CDC27: variants seen among roughly 807,000 people sequenced by gnomAD.
CDC27 encodes cell division cycle 27.
CDC27 carries 27 observed loss-of-function variants against 109.7 expected under a neutral mutation model. The ratio of observed to expected loss-of-function variants is 0.25; its 90% confidence interval spans 0.18 to 0.34. The LOEUF (loss-of-function observed/expected upper bound fraction) is 0.34. CDC27 is among the 10% of genes least tolerant of loss of function. CDC27 has a pLI of 1.00. For synonymous variants in CDC27, 266 were observed against 333.9 expected (o/e 0.80, Z 2.22); for missense variants, 579 against 960.2 (o/e 0.60, Z 5.25).
At chr17:47,141,266 G>A (rs529643557) in intron 12 of CDC27, among the ~76,000 whole-genome samples, 33 of 152,104 alleles carry the variant, frequency 2.2e-4, no homozygotes, top group Non-Finnish European at 3.5e-4. Context: ...TTAAGTTGGG[G>A]GTGGAGAAAA....
chr17:47,119,547 T>C lies in CDC27; in HGVS notation c.*1388A>G, dbSNP rs1200574365. The C allele has an allele frequency of 6.6e-6, 1 of 152,176 alleles. No individual in the cohort carries two copies. Among genetic ancestry groups the C allele is most frequent in the Non-Finnish European group, 1.5e-5 (1 of 68,030 alleles). 9.4% of individuals were successfully genotyped at this position (152,176 alleles called of 1,614,324 possible). A position where few individuals can be genotyped will look rare whatever the true frequency, so the allele number is the denominator to read the frequency against. ...TAGGCCTGTCATTCATAAGAAACTA[T>C]AATTTGTTATATTCTGACACTGGCA... On this transcript the variant is annotated 3_prime_UTR_variant, in exon 19 of 19. Transcript: ENST00000066544.
rs1311517565 is a variant in CDC27, at chr17:47,143,906, T to C, written c.1147A>G (p.Thr383Ala). The C allele has an allele frequency of 1.3e-5, 19 of 1,481,648 alleles. No individual in the cohort carries two copies. The highest frequency in any genetic ancestry group is 1.5e-5 in the Non-Finnish European group (17 of 1,107,508). The allele number at this position is 1,481,648 out of a possible 1,614,324, so 91.8% of individuals were successfully genotyped here. ...ALPRRSSRLF[T>A]SDSSTTKENS... ...ACCTTGGTTGTGGAGCTGTCACTAG[T>C]AAAGAGTCGTGAACTTCTTCGAGGC... Residue 383 changes from threonine (T) to alanine (A), a missense_variant, in exon 10 of 19, where the codon ACT becomes GCT. By Grantham distance (58) the Thr-to-Ala change is moderately conservative. This residue lies in a region of CDC27 where 51 missense variants were observed against 43.8 expected (regional missense o/e 1.16). Transcript: ENST00000066544.
At chr17:47,160,025 T>A (rs1343834019) in intron 4 of CDC27, 1 of 230,232 alleles carries the variant, frequency 4.3e-6, no homozygotes, top group Non-Finnish European at 8.5e-6. Context: ...TCAAACAAAC[T>A]AGAGGTGGTA....
chr17:47,130,823 G>A (rs2062304351), intron 15 of CDC27, among the ~76,000 whole-genome samples: 1 of 150,984 alleles, frequency 6.6e-6, no homozygotes, highest in Non-Finnish European at 1.5e-5. Flanking sequence ...GTTGTGGTAA[G>A]CTGAGATTGT....
At chr17:47,137,488 CA>C in intron 13 of CDC27, 128 bp from the exon 14 acceptor site, 1 of 511,888 alleles carries the variant, frequency 2.0e-6, no homozygotes, top group East Asian at 3.2e-5. Context: ...AGTAGATACT[CA>C]ATTCTAATTA....
intron 16 of CDC27, 105 bp downstream of exon 16, chr17:47,129,288 G>A (rs939526154): frequency 6.9e-5 from 61 of 883,090 alleles, no homozygotes; most frequent in Non-Finnish European, 9.7e-5. Flanking sequence ...TTGGAAAAAT[G>A]TCTCAGATCA....
rs370562787 is a variant in CDC27, at chr17:47,119,666, T to C, written c.*1269A>G. ...ATTTAAGACTGTTTAAATCTGTTAC[T>C]GTGGAATTCCAATAATTATCATTTT... On this transcript the variant is annotated 3_prime_UTR_variant, in exon 19 of 19. Coordinates refer to ENST00000066544, the MANE Select transcript of CDC27 (RefSeq NM_001256.6). 3.3e-5 allele frequency: 5 copies of C among 152,342 alleles called. No homozygotes were observed. Among genetic ancestry groups the C allele is most frequent in the African/African-American group, 9.6e-5 (4 of 41,586 alleles). The allele number at this position is 152,342 out of a possible 1,614,324, so 9.4% of individuals were successfully genotyped here. A position where few individuals can be genotyped will look rare whatever the true frequency, so the allele number is the denominator to read the frequency against.
At position 47,138,882 on chromosome 17, in the gene CDC27, T is replaced by C. The variant is rs199927167; in HGVS notation, c.1561A>G (p.Ile521Val). The change falls in exon 13 of 19, where the codon ATA (isoleucine) becomes GTA (valine). Residue 521 changes from isoleucine (I) to valine (V), a missense_variant. Ile to Val is a conservative substitution (Grantham distance 29). This residue lies in a region of CDC27 where 227 missense variants were observed against 363.6 expected (regional missense o/e 0.62). Transcript: ENST00000066544. ...ELSEYMQAER[I>V]FSEVRRIENY... Reference sequence around the variant, plus strand: ...TCAATCCTTCTAACCTCTGAGAATATTCTTTCAGCCTGAAATAAAAAAAAC... The same window carrying C: ...TCAATCCTTCTAACCTCTGAGAATACTCTTTCAGCCTGAAATAAAAAAAAC... The C allele has an allele frequency of 6.4e-7, 1 of 1,570,042 alleles. No individual in the cohort carries two copies. Among genetic ancestry groups the C allele is most frequent in the Non-Finnish European group, 8.6e-7 (1 of 1,160,720 alleles).
chr17:47,162,822 C>T (rs1316137526), intron 4 of CDC27, among the ~76,000 whole-genome samples: 2 of 152,046 alleles, frequency 1.3e-5, no homozygotes, highest in Non-Finnish European at 2.9e-5. Context: ...ATGAATAGAC[C>T]ACAAAACAGA....
Position 47,133,385 on chromosome 17 carries a change from G to C in CDC27, c.1914-1011C>G, listed in dbSNP as rs1212781882. Among the ~76,000 whole-genome samples, 5 of 147,842 alleles carry C rather than the reference G, an allele frequency of 3.4e-5. No homozygotes were observed. In the South Asian group the frequency reaches 1.1e-3, roughly 32 times the overall value. On this transcript the variant is annotated intron_variant, in intron 14 of 18. Coordinates refer to ENST00000066544, the MANE Select transcript of CDC27 (RefSeq NM_001256.6). Reference sequence around the variant, plus strand: ...ACTCCTGACCTCAGGTGATCCGCCCGCCTTGGCCTCCCAAAGTGCTGGGAC... The same window carrying C: ...ACTCCTGACCTCAGGTGATCCGCCCCCCTTGGCCTCCCAAAGTGCTGGGAC...
rs199808134 is a variant in CDC27, at chr17:47,132,320, C to A, written c.1968G>T (p.Met656Ile). 17 of 1,607,068 alleles carry A rather than the reference C, an allele frequency of 1.1e-5. No homozygotes were observed. The East Asian group carries it at 3.8e-4, about 36-fold the overall frequency. The change falls in exon 15 of 19, where the codon ATG (methionine) becomes ATT (isoleucine). Residue 656 changes from methionine (M) to isoleucine (I), a missense_variant. By Grantham distance (10) the Met-to-Ile change is conservative (BLOSUM62 1). Around this residue, in one of 9 missense-constraint regions of CDC27, gnomAD observed 227 missense variants for 363.6 expected, o/e 0.62. Coordinates refer to ENST00000066544, the MANE Select transcript of CDC27 (RefSeq NM_001256.6). ...YKQEKFSLAEMHFQKALDINP... is the reference protein window; with the variant it reads ...YKQEKFSLAEIHFQKALDINP... ...TGATATCAAGCGCTTTTTGGAAATG[C>A]ATTTCTGCAAGGCTGAATTTTTCTT...
In CDC27 at chr17:47,120,972, T is replaced by C. The variant is rs777995806; in HGVS notation, c.2438A>G (p.Asp813Gly). 1 of 1,613,406 alleles carries C rather than the reference T, an allele frequency of 6.2e-7. No individual in the cohort carries two copies. The highest frequency in any genetic ancestry group is 8.5e-7 in the Non-Finnish European group (1 of 1,179,622). The change falls in exon 19 of 19, where the codon GAC becomes GGC. Residue 813 changes from aspartate to glycine, a missense_variant. Around this residue, in one of 9 missense-constraint regions of CDC27, gnomAD observed 227 missense variants for 363.6 expected, o/e 0.62. Transcript: ENST00000066544. The part of the protein sequence containing the change: ...SQESSMTDAD[D>G]TQLHAAESDE... ...ACTTTCAGCTGCATGAAGTTGTGTG[T>C]CATCCGCATCTGTCATGCTGCTCTC...
At chr17:47,184,035 C>T (rs975932914) in intron 1 of CDC27, among the ~76,000 whole-genome samples, 5 of 152,072 alleles carry the variant, frequency 3.3e-5, no homozygotes, top group Non-Finnish European at 7.4e-5. Context: ...TCCTAAGAAC[C>T]TACATGTTTA....
At chr17:47,137,890 A>G (rs1278342162) in intron 13 of CDC27, among the ~76,000 whole-genome samples, 2 of 150,998 alleles carry the variant, frequency 1.3e-5, no homozygotes, top group East Asian at 3.9e-4. Flanking sequence ...AACCTCCGCC[A>G]CCTAGGCTCA....
chr17:47,123,393 T>C (rs1373841106), intron 17 of CDC27, among the ~76,000 whole-genome samples: 1 of 141,216 alleles, frequency 7.1e-6, no homozygotes, highest in Non-Finnish European at 1.5e-5. Flanking sequence ...TCTTCTACTT[T>C]TTTTTCTACT....
At chr17:47,142,465 T>G in intron 10 of CDC27, 29 bp from the exon 11 acceptor site, 1 of 901,544 alleles carries the variant, frequency 1.1e-6, no homozygotes, top group Non-Finnish European at 1.7e-6. Flanking sequence ...TTCACACCTG[T>G]TATACTCATG....
rs144338717 is a variant in CDC27, at chr17:47,155,770, G to A, written c.843-984C>T. ...GTTCCAGATCAGCTTGGGCAACACA[G>A]CAAGACCCCATCTCTACAAAAACAC... On this transcript the variant is annotated intron_variant, in intron 7 of 18. Transcript: ENST00000066544. 1.8e-4 allele frequency among the ~76,000 whole-genome samples: 28 copies of A among 152,196 alleles called. No individual in the cohort carries two copies. The East Asian group carries it at 4.4e-3, about 24-fold the overall frequency.
intron 4 of CDC27, among the ~76,000 whole-genome samples, chr17:47,158,620 AT>A (rs376030802): frequency 0.013 from 1,824 of 140,714 alleles, 16 homozygotes; most frequent in Middle Eastern, 0.022. Context: ...ATTATTCTTA[AT>A]TTTTTTTTTT....
In CDC27 at chr17:47,151,887, T is replaced by C. The variant is rs200834582; in HGVS notation, c.989A>G (p.Lys330Arg). The C allele has an allele frequency of 3.1e-6, 5 of 1,606,852 alleles. No homozygotes were observed. Among genetic ancestry groups the C allele is most frequent in the Non-Finnish European group, 4.2e-6 (5 of 1,176,732 alleles). ...SVARIGQTGTKSVFSQSGNSR... is the reference protein window; with the variant it reads ...SVARIGQTGTRSVFSQSGNSR... ...ATTTCCACTCTGTGAGAAGACAGAC[T>C]TTGTTCCAGTTTGGCCGATTCTGGC... The change falls in exon 9 of 19, where the codon AAG (lysine) becomes AGG (arginine). Residue 330 changes from lysine (K) to arginine (R), a missense_variant. Lys to Arg is a conservative substitution (Grantham distance 26, BLOSUM62 2). Around this residue, in one of 9 missense-constraint regions of CDC27, gnomAD observed 74 missense variants for 148.9 expected, o/e 0.50. Transcript: ENST00000066544.
Sources: gnomAD v4.1 joint callset for allele counts (sites outside exome capture counted in the v4.1 genomes callset) on GRCh38, gnomAD v4.1.1 for gene constraint, gnomAD v4.1.1 regional missense constraint, MANE v1.5 for transcripts, NCBI Gene and HGNC (gene_info 2026-07-23, HGNC 2026-07-21) for gene names.